Variants in GALNT9 observed in about 807,000 individuals in gnomAD.
GALNT9 encodes polypeptide N-acetylgalactosaminyltransferase 9.
Under a neutral mutation model 63.1 loss-of-function variants are expected in GALNT9, and 47 were observed. The ratio of observed to expected loss-of-function variants is 0.75; its 90% confidence interval spans 0.59 to 0.95. The LOEUF (loss-of-function observed/expected upper bound fraction) is 0.95. Among genes scored for constraint, GALNT9 ranks in the 40% least tolerant of loss-of-function variants. GALNT9 has a pLI of 0.00. For synonymous variants in GALNT9, 396 were observed against 365.7 expected, an observed-to-expected ratio of 1.08 and a Z score of -0.94; for missense variants, 829 against 874.8, an observed-to-expected ratio of 0.95 and a Z score of 0.66.
At position 132,310,982 on chromosome 12, in the gene GALNT9, G is replaced by A. The variant is rs1555245112; in HGVS notation, c.238+17984C>T. Among the ~76,000 whole-genome samples the A allele has an allele frequency of 6.6e-6, 1 of 152,206 alleles. No individual in the cohort carries two copies. The highest frequency in any genetic ancestry group is 1.5e-5 in the Non-Finnish European group (1 of 68,030). ...ATGTGGCGCTGGCAGCCCAAGACAG[G>A]GACTCGGCCGCAGCTAAAGTTTCCC... On this transcript the variant is annotated intron_variant, in intron 1 of 10. Coordinates refer to ENST00000328957, the MANE Select transcript of GALNT9 (RefSeq NM_001122636.2). This position sits in a 1 kb window ranked among gnomAD's most constrained non-coding sequence, Gnocchi z 4.8.
intron 1 of GALNT9, among the ~76,000 whole-genome samples, chr12:132,291,675 G>A (rs531078736): frequency 3.7e-5 from 3 of 81,402 alleles, no homozygotes; most frequent in Non-Finnish European, 7.5e-5. Context: ...CCACATCCAC[G>A]GTGCCCACAT....
rs374001967 is a variant in GALNT9, at chr12:132,199,219, G to A, written c.1452C>T (p.Asp484=). 70 of 1,604,162 alleles carry A rather than the reference G, an allele frequency of 4.4e-5. No homozygotes were observed. The Admixed American group carries it at 4.7e-4, about 11-fold the overall frequency. The change falls in exon 9 of 11, where the codon GAC becomes GAT. Residue 484 remains aspartate, a synonymous_variant. Transcript: ENST00000328957. Reference sequence around the variant, plus strand: ...AGGGGTAGAGGATCGCCCGGTCGCCGTCCTCCGCTCCCTGGTCCAGACAGT... The same window carrying A: ...AGGGGTAGAGGATCGCCCGGTCGCCATCCTCCGCTCCCTGGTCCAGACAGT... ...SAYCLDQGAE[D]GDRAILYPCH... is the part of the protein sequence containing the mutation.
intron 1 of GALNT9, among the ~76,000 whole-genome samples, chr12:132,308,069 A>G (rs1881681106): frequency 6.6e-6 from 1 of 152,092 alleles, no homozygotes; most frequent in South Asian, 2.1e-4. Context: ...CACAAACAAG[A>G]AAAAGACACA....
At chr12:132,305,462 TGGGCACACCCTCACCC>T (rs1566020041) in intron 1 of GALNT9, among the ~76,000 whole-genome samples, 3 of 31,242 alleles carry the variant, frequency 9.6e-5, no homozygotes, top group African/African-American at 4.1e-4. Flanking sequence ...CAGCCTGACC[TGGGCACACCCTCACCC>T]GGGCACACCC....
intron 5 of GALNT9, among the ~76,000 whole-genome samples, chr12:132,257,440 C>T (rs1172280675): frequency 9.4e-5 from 14 of 149,060 alleles, no homozygotes; most frequent in Admixed American, 9.3e-4. Flanking sequence ...CAGCCCTCGT[C>T]CCCATGCCCT....
At chr12:132,204,426 C>G (rs866776714) in intron 6 of GALNT9, among the ~76,000 whole-genome samples, 1 of 152,146 alleles carries the variant, frequency 6.6e-6, no homozygotes, top group African/African-American at 2.4e-5. Flanking sequence ...TGTGCATGGC[C>G]TCTGGTGGGA....
chr12:132,197,650 G>A, intron 10 of GALNT9, 142 bp downstream of exon 10: 3 of 665,366 alleles, frequency 4.5e-6, no homozygotes, highest in Admixed American at 2.7e-5. Flanking sequence ...GGGAACAGCT[G>A]ATCCAAGGCC....
chr12:132,230,492 G>A (rs1177276639), intron 6 of GALNT9, among the ~76,000 whole-genome samples: 1 of 152,230 alleles, frequency 6.6e-6, no homozygotes, highest in Non-Finnish European at 1.5e-5. Flanking sequence ...ACCCACGCGG[G>A]CTGGGGAGCC....
chr12:132,231,165 C>T (rs1337297608), intron 6 of GALNT9, among the ~76,000 whole-genome samples: 1 of 78,822 alleles, frequency 1.3e-5, no homozygotes, highest in African/African-American at 7.3e-5. Flanking sequence ...CCCCTAGTGC[C>T]ACACACTCGA....
At chr12:132,248,974 A>G (rs1360025500) in intron 5 of GALNT9, among the ~76,000 whole-genome samples, 1 of 152,184 alleles carries the variant, frequency 6.6e-6, no homozygotes, top group African/African-American at 2.4e-5. Context: ...GAGCGGGAGG[A>G]TAAGCTGGTG....
At chr12:132,302,229 T>TATACACACACACACACAC (rs1881322641) in intron 1 of GALNT9, among the ~76,000 whole-genome samples, 1 of 143,722 alleles carries the variant, frequency 7.0e-6, no homozygotes, top group Non-Finnish European at 1.5e-5. Flanking sequence ...TAGAAAATTC[T>TATACACACACACACACAC]ACACACACAC....
At chr12:132,233,076 G>A (rs1260115714) in intron 6 of GALNT9, among the ~76,000 whole-genome samples, 2 of 13,092 alleles carry the variant, frequency 1.5e-4, no homozygotes, top group Admixed American at 9.7e-4. Flanking sequence ...GGAGTCCCTA[G>A]TGCCACACAC....
chr12:132,200,714 CTG>C, intron 8 of GALNT9: 1 of 173,740 alleles, frequency 5.8e-6, no homozygotes, highest in Non-Finnish European at 1.2e-5. Context: ...GTGAATGTCT[CTG>C]TACACACATC....
intron 5 of GALNT9, among the ~76,000 whole-genome samples, chr12:132,254,813 C>T (rs1443383641): frequency 1.3e-5 from 2 of 152,176 alleles, no homozygotes; most frequent in African/African-American, 4.8e-5. Flanking sequence ...ATTATTTCCC[C>T]AAGTGGAGCA....
At chr12:132,311,381 G>A (rs1002695078) in intron 1 of GALNT9, among the ~76,000 whole-genome samples, 11 of 152,284 alleles carry the variant, frequency 7.2e-5, no homozygotes, top group African/African-American at 2.2e-4. Context: ...GCCTGAACTC[G>A]GCGTTAGAGG....
At position 132,327,606 on chromosome 12, in the gene GALNT9, C is replaced by G. The variant is rs562829977; in HGVS notation, c.238+1360G>C. Among the ~76,000 whole-genome samples, 3 of 152,164 alleles carry G rather than the reference C, an allele frequency of 2.0e-5. No homozygotes were observed. Among genetic ancestry groups the G allele is most frequent in the Non-Finnish European group, 2.9e-5 (2 of 68,036 alleles). ...CCTTCCGGGAGATGAATTGCTCTGCCGGGCGGCTGGGCGGCTGCTTGAACT... is the reference window on the plus strand; with the variant it reads ...CCTTCCGGGAGATGAATTGCTCTGCGGGGCGGCTGGGCGGCTGCTTGAACT... On this transcript the variant is annotated intron_variant, in intron 1 of 10. Transcript: ENST00000328957. This position sits in a 1 kb window ranked among gnomAD's most constrained non-coding sequence, Gnocchi z 4.3.
chr12:132,285,799 G>A (rs960581336), intron 2 of GALNT9, among the ~76,000 whole-genome samples: 2 of 152,306 alleles, frequency 1.3e-5, no homozygotes, highest in East Asian at 3.9e-4. Context: ...AAGGATGCCC[G>A]CAGCCAAAAG....
At chr12:132,324,288 G>A (rs1016190128) in intron 1 of GALNT9, among the ~76,000 whole-genome samples, 1 of 152,184 alleles carries the variant, frequency 6.6e-6, no homozygotes, top group Non-Finnish European at 1.5e-5. Flanking sequence ...ACGCACGCGT[G>A]GCGGCAGCCA....
At chr12:132,241,088 G>T (rs2136900673) in intron 6 of GALNT9, among the ~76,000 whole-genome samples, 5 of 29,864 alleles carry the variant, frequency 1.7e-4, no homozygotes, top group Non-Finnish European at 2.9e-4. Flanking sequence ...CACCCTTCCC[G>T]GGGCCCTCCC....
Sources: allele counts gnomAD v4.1 joint callset (sites outside exome capture counted in the v4.1 genomes callset), GRCh38; gene constraint gnomAD v4.1.1; non-coding constraint Gnocchi (gnomAD v3.1); transcripts MANE v1.5; gene names NCBI Gene and HGNC (gene_info 2026-07-23, HGNC 2026-07-21).